Variants in NWD2 observed in about 807,000 individuals in gnomAD.
NWD2 encodes NACHT and WD repeat domain containing 2.
NWD2 carries 37 observed loss-of-function variants against 132.7 expected under a neutral mutation model. The ratio of observed to expected loss-of-function variants is 0.28; its 90% CI spans 0.21 to 0.37. The LOEUF (loss-of-function observed/expected upper bound fraction) is 0.37. Among genes scored for constraint, NWD2 ranks in the 10% least tolerant of loss-of-function variants. NWD2 has a pLI of 1.00. For synonymous variants in NWD2, 705 were observed against 803.0 expected (o/e 0.88, Z 2.06); for missense variants, 1,592 against 2,122.4 (o/e 0.75, Z 4.91).
intron 1 of NWD2, among the ~76,000 whole-genome samples, chr4:37,311,786 A>C (rs887541466): frequency 1.3e-4 from 20 of 149,054 alleles, no homozygotes; most frequent in African/African-American, 4.7e-4. Context: ...TCTTTAATCC[A>C]TCTTGAATTA....
At chr4:37,276,080 A>G (rs1439741982) in intron 1 of NWD2, among the ~76,000 whole-genome samples, 1 of 152,194 alleles carries the variant, frequency 6.6e-6, no homozygotes, top group African/African-American at 2.4e-5. Flanking sequence ...AATGGCAACA[A>G]AAGCCAACAT....
At chr4:37,395,066 C>G (rs1381109186) in intron 3 of NWD2, among the ~76,000 whole-genome samples, 4 of 151,760 alleles carry the variant, frequency 2.6e-5, no homozygotes, top group Non-Finnish European at 5.9e-5. Flanking sequence ...ACCCGCCCCC[C>G]AATCCTGGGC....
intron 3 of NWD2, among the ~76,000 whole-genome samples, chr4:37,420,364 C>T (rs573392159): frequency 2.6e-5 from 4 of 152,290 alleles, no homozygotes; most frequent in African/African-American, 9.6e-5. Flanking sequence ...ACTATCTAAT[C>T]CATGCAGGTA....
chr4:37,438,748 G>A (rs1334588773), intron 5 of NWD2, 53 bp from the exon 6 acceptor site: 19 of 1,198,892 alleles, frequency 1.6e-5, no homozygotes, highest in African/African-American at 3.1e-5. Flanking sequence ...GAGAATGTGG[G>A]TGTGTTGCTC....
At chr4:37,298,426 G>A (rs1443416087) in intron 1 of NWD2, among the ~76,000 whole-genome samples, 1 of 152,080 alleles carries the variant, frequency 6.6e-6, no homozygotes, top group African/African-American at 2.4e-5. Context: ...AGCTAAACAC[G>A]ATCACCTAGG....
At chr4:37,398,878 C>G (rs1720853078) in intron 3 of NWD2, among the ~76,000 whole-genome samples, 1 of 151,930 alleles carries the variant, frequency 6.6e-6, no homozygotes, top group Non-Finnish European at 1.5e-5. Context: ...AAATAAGGAG[C>G]TAGGGAGAAA....
At chr4:37,344,933 G>A (rs1719603151) in intron 2 of NWD2, among the ~76,000 whole-genome samples, 2 of 152,082 alleles carry the variant, frequency 1.3e-5, no homozygotes, top group South Asian at 4.1e-4. Flanking sequence ...CTATGGATTT[G>A]CCTATTCTGC....
At chr4:37,402,820 C>G (rs1720922210) in intron 3 of NWD2, among the ~76,000 whole-genome samples, 1 of 152,114 alleles carries the variant, frequency 6.6e-6, no homozygotes, top group Non-Finnish European at 1.5e-5. Flanking sequence ...AACTTTCTAC[C>G]AAGTCTAAGA....
chr4:37,294,997 T>C (rs1286340641), intron 1 of NWD2, among the ~76,000 whole-genome samples: 1 of 152,154 alleles, frequency 6.6e-6, no homozygotes, highest in African/African-American at 2.4e-5. Context: ...CATTACTGAA[T>C]CCACATGTTA....
Position 37,438,874 on chromosome 4 carries a change from T to C in NWD2, c.780T>C (p.Ile260=). ...PAFLKKCVCY[I]RKIANIERFV... is the part of the protein sequence containing the mutation. Reference sequence around the variant, plus strand: ...TTCTAAAGAAGTGTGTTTGCTACATTAGGAAAATTGCTAACATTGAGCGCT... The same window carrying C: ...TTCTAAAGAAGTGTGTTTGCTACATCAGGAAAATTGCTAACATTGAGCGCT... Residue 260 remains isoleucine (I), a synonymous_variant, in exon 6 of 7, where the codon ATT becomes ATC. Transcript: ENST00000309447. The C allele has an allele frequency of 6.4e-7, 1 of 1,551,824 alleles. No homozygotes were observed. Among genetic ancestry groups the C allele is most frequent in the Non-Finnish European group, 8.7e-7 (1 of 1,147,012 alleles).
intron 2 of NWD2, among the ~76,000 whole-genome samples, chr4:37,338,401 T>G (rs1871481): frequency 6.6e-6 from 1 of 152,214 alleles, no homozygotes; most frequent in East Asian, 1.9e-4. Flanking sequence ...GGAAACCAAG[T>G]CTTTTTGAGA....
intron 1 of NWD2, among the ~76,000 whole-genome samples, chr4:37,274,984 A>G (rs184899126): frequency 0.028 from 4,255 of 152,122 alleles, 98 homozygotes; most frequent in East Asian, 0.11. Flanking sequence ...TACTGAATGG[A>G]CAAAAACTGG....
At chr4:37,405,000 C>T (rs1365816882) in intron 3 of NWD2, among the ~76,000 whole-genome samples, 1 of 152,200 alleles carries the variant, frequency 6.6e-6, no homozygotes, top group African/African-American at 2.4e-5. Context: ...TACAACTGAA[C>T]ATGAGATTTG....
In NWD2 at chr4:37,439,113, A is replaced by G; in HGVS notation, c.1019A>G (p.Glu340Gly). ...YSQEIENHYI[E>G]GLGKQFYEDM... is the part of the protein sequence containing the mutation. ...CAAGAAATAGAAAATCATTACATCG[A>G]AGGACTTGGTAAACAATTTTATGAG... The change falls in exon 6 of 7, where the codon GAA becomes GGA. Residue 340 changes from glutamate to glycine, a missense_variant. Glu to Gly is a moderately conservative substitution (Grantham distance 98, BLOSUM62 -2). Coordinates refer to ENST00000309447, the MANE Select transcript of NWD2 (RefSeq NM_001144990.2). The surrounding 1 kb of genome is among the most constrained non-coding windows in gnomAD (Gnocchi z 4.5). The G allele has an allele frequency of 6.4e-7, 1 of 1,551,888 alleles. No individual in the cohort carries two copies. The highest frequency in any genetic ancestry group is 1.4e-5 in the African/African-American group (1 of 73,170).
intron 1 of NWD2, among the ~76,000 whole-genome samples, chr4:37,311,209 A>T (rs993656302): frequency 6.6e-6 from 1 of 152,200 alleles, no homozygotes; most frequent in Admixed American, 6.5e-5. Flanking sequence ...GAATCGCCAC[A>T]CTGACTTCCA....
chr4:37,401,441 T>C (rs1282653102), intron 3 of NWD2, among the ~76,000 whole-genome samples: 4 of 152,154 alleles, frequency 2.6e-5, no homozygotes, highest in African/African-American at 9.7e-5. Flanking sequence ...CCCTGTGTGG[T>C]TTACAGACTC....
chr4:37,415,841 G>A (rs998612697), intron 3 of NWD2, among the ~76,000 whole-genome samples: 3 of 152,026 alleles, frequency 2.0e-5, no homozygotes, highest in African/African-American at 7.2e-5. Context: ...CATTAATGAC[G>A]CTGATATCAC....
At chr4:37,296,851 TAAC>T (rs761166776) in intron 1 of NWD2, among the ~76,000 whole-genome samples, 5 of 152,042 alleles carry the variant, frequency 3.3e-5, no homozygotes, top group Admixed American at 6.6e-5. Context: ...AATAAAAAAT[TAAC>T]AAAGAAAATG....
intron 2 of NWD2, among the ~76,000 whole-genome samples, chr4:37,332,467 A>AAAT (rs1719314919): frequency 6.6e-6 from 1 of 151,868 alleles, no homozygotes; most frequent in Non-Finnish European, 1.5e-5. Context: ...AAAAAAAAAA[A>AAAT]AAAAAGGACC....
Sources: allele counts gnomAD v4.1 joint callset (sites outside exome capture counted in the v4.1 genomes callset), GRCh38; gene constraint gnomAD v4.1.1; non-coding constraint Gnocchi (gnomAD v3.1); transcripts MANE v1.5; gene names NCBI Gene and HGNC (gene_info 2026-07-23, HGNC 2026-07-21).